HMGCLL1: variants seen among roughly 807,000 people sequenced by gnomAD.
HMGCLL1 encodes the protein 3-hydroxy-3-methylglutaryl-CoA lyase like 1.
In HMGCLL1, 36 loss-of-function variants were observed where a neutral mutation model predicts 39.1. The observed-to-expected ratio is 0.92, with a 90% CI of 0.71 to 1.22. The LOEUF (loss-of-function observed/expected upper bound fraction) is 1.22. Among genes scored for constraint, HMGCLL1 ranks in the 50% most tolerant of loss-of-function variants. The pLI, the probability that HMGCLL1 is intolerant of heterozygous loss-of-function variation, is 0.00. For missense variants in HMGCLL1, 451 were observed against 416.5 expected, an observed-to-expected ratio of 1.08 and a Z score of -0.72; for synonymous variants, 149 against 144.0, an observed-to-expected ratio of 1.03 and a Z score of -0.25.
At chr6:55,527,614 A>G (rs958539027) in intron 3 of HMGCLL1, among the ~76,000 whole-genome samples, 10 of 152,052 alleles carry the variant, frequency 6.6e-5, no homozygotes, top group African/African-American at 2.4e-4. Flanking sequence ...TTTCGTTAAA[A>G]CTTATAACAG....
At chr6:55,569,445 C>A (rs1771365039) in intron 1 of HMGCLL1, among the ~76,000 whole-genome samples, 1 of 152,148 alleles carries the variant, frequency 6.6e-6, no homozygotes, top group African/African-American at 2.4e-5. Flanking sequence ...ATTTAGGTGA[C>A]TCTTATCACA....
intron 1 of HMGCLL1, among the ~76,000 whole-genome samples, chr6:55,577,994 T>A (rs1165696406): frequency 1.3e-5 from 2 of 152,192 alleles, no homozygotes; most frequent in African/African-American, 4.8e-5. Flanking sequence ...TATGATACAC[T>A]AAACTGAGAA....
chr6:55,647,664 GA>G, the HMGCLL1 span, among the ~76,000 whole-genome samples: 2 of 149,358 alleles, frequency 1.3e-5, no homozygotes, highest in Admixed American at 1.3e-4. Context: ...ACGCAAAAAG[GA>G]AACTAATAAA....
the HMGCLL1 span, among the ~76,000 whole-genome samples, chr6:55,649,680 C>A: frequency 2.0e-5 from 3 of 151,930 alleles, no homozygotes; most frequent in Non-Finnish European, 4.4e-5. Context: ...CTACCCCTAT[C>A]TCTCTCTACC....
At chr6:55,444,352 C>T (rs541514309) in intron 7 of HMGCLL1, among the ~76,000 whole-genome samples, 141 of 151,924 alleles carry the variant, frequency 9.3e-4, no homozygotes, top group African/African-American at 3.1e-3. Flanking sequence ...ATATGGGTGA[C>T]GTATATTGTA....
intron 7 of HMGCLL1, among the ~76,000 whole-genome samples, chr6:55,485,078 T>G (rs1765952774): frequency 6.6e-6 from 1 of 152,176 alleles, no homozygotes; most frequent in African/African-American, 2.4e-5. Context: ...CAGACTGAGA[T>G]GTTCTGTTCC....
chr6:55,517,162 C>T (rs745602157), intron 3 of HMGCLL1, among the ~76,000 whole-genome samples: 1 of 152,014 alleles, frequency 6.6e-6, no homozygotes, highest in Admixed American at 6.6e-5. Context: ...AGTATTACCA[C>T]GTTTTCATAT....
chr6:55,456,575 G>T (rs1764331019), intron 7 of HMGCLL1, among the ~76,000 whole-genome samples: 1 of 152,166 alleles, frequency 6.6e-6, no homozygotes, highest in Admixed American at 6.5e-5. Flanking sequence ...TCTCATATCA[G>T]CTGGATTCCT....
At chr6:55,441,989 T>C (rs1413170438) in intron 7 of HMGCLL1, among the ~76,000 whole-genome samples, 2 of 152,102 alleles carry the variant, frequency 1.3e-5, no homozygotes, top group Admixed American at 6.6e-5. Flanking sequence ...GTCCTTCAAC[T>C]TGGGTTTGTC....
chr6:55,598,725 T>C, the HMGCLL1 span, among the ~76,000 whole-genome samples: 2 of 152,216 alleles, frequency 1.3e-5, no homozygotes, highest in African/African-American at 4.8e-5. Flanking sequence ...AAACGTTTAA[T>C]GGTTCAATCG....
intron 7 of HMGCLL1, among the ~76,000 whole-genome samples, chr6:55,454,757 C>T (rs1448540508): frequency 2.0e-5 from 3 of 152,106 alleles, no homozygotes; most frequent in Non-Finnish European, 4.4e-5. Flanking sequence ...TTAGCTCACT[C>T]ATAGGAGGAA....
the HMGCLL1 span, among the ~76,000 whole-genome samples, chr6:55,653,245 T>G: frequency 6.6e-6 from 1 of 152,090 alleles, no homozygotes; most frequent in East Asian, 1.9e-4. Context: ...AAAAAAGTTC[T>G]TCCCCAGTAT....
intron 1 of HMGCLL1, among the ~76,000 whole-genome samples, chr6:55,562,861 C>T: frequency 6.6e-6 from 1 of 151,970 alleles, no homozygotes. Context: ...CAAATGTCCT[C>T]AATTGCTGCA....
chr6:55,589,267 C>T, the HMGCLL1 span, among the ~76,000 whole-genome samples: 54 of 152,190 alleles, frequency 3.5e-4, no homozygotes, highest in Middle Eastern at 0.01. Context: ...AATCAACAAA[C>T]GTAATCCAGC....
At chr6:55,571,473 T>C (rs1305840799) in intron 1 of HMGCLL1, among the ~76,000 whole-genome samples, 4 of 151,544 alleles carry the variant, frequency 2.6e-5, no homozygotes, top group Non-Finnish European at 1.5e-5. Flanking sequence ...AAACGGTGAG[T>C]GAGGCTGATA....
chr6:55,643,565 GT>G, the HMGCLL1 span, among the ~76,000 whole-genome samples: 2 of 151,546 alleles, frequency 1.3e-5, no homozygotes, highest in African/African-American at 4.8e-5. Context: ...TTTCTTTCTA[GT>G]TTTTTTGTAC....
intron 7 of HMGCLL1, among the ~76,000 whole-genome samples, chr6:55,475,979 A>G (rs538248532): frequency 6.6e-6 from 1 of 151,716 alleles, no homozygotes; most frequent in African/African-American, 2.4e-5. Flanking sequence ...ACACATCTTA[A>G]TTATTTTAGC....
At chr6:55,447,798 T>A (rs761286019) in intron 7 of HMGCLL1, among the ~76,000 whole-genome samples, 1 of 152,136 alleles carries the variant, frequency 6.6e-6, no homozygotes, top group Non-Finnish European at 1.5e-5. Flanking sequence ...GCAAGTGATA[T>A]GTCCTGCTTC....
intron 7 of HMGCLL1, among the ~76,000 whole-genome samples, chr6:55,474,256 C>T (rs1272114636): frequency 6.6e-6 from 1 of 151,468 alleles, no homozygotes; most frequent in African/African-American, 2.4e-5. Context: ...CATAATGGAT[C>T]TCTACAGAGC....
Sources: gnomAD v4.1 joint callset for allele counts (sites outside exome capture counted in the v4.1 genomes callset) on GRCh38, gnomAD v4.1.1 for gene constraint, MANE v1.5 for transcripts, NCBI Gene and HGNC (gene_info 2026-07-23, HGNC 2026-07-21) for gene names.